CDH11: variants seen among roughly 807,000 people sequenced by gnomAD.
CDH11 encodes the protein cadherin 11.
A neutral mutation model predicts 67.8 loss-of-function variants in CDH11; 11 were observed. The ratio of observed to expected loss-of-function variants is 0.16; its 90% CI spans 0.10 to 0.27. The LOEUF (loss-of-function observed/expected upper bound fraction) is 0.27, where lower values mean the gene tolerates loss of function less well. Ranked by LOEUF, CDH11 falls within the 10% of genes least tolerant of loss-of-function variation. The probability of loss-of-function intolerance (pLI) is 1.00; values close to 1 mark genes in which losing one functional copy is unlikely to be tolerated. For missense variants in CDH11, 847 were observed against 1,031.2 expected (o/e 0.82, Z 2.45); for synonymous variants, 419 against 400.0 (o/e 1.05, Z -0.57).
chr16:65,122,001 G>C lies in CDH11; in HGVS notation c.-419C>G. On this transcript the variant is annotated 5_prime_UTR_variant, in exon 1 of 13. Transcript: ENST00000268603. ...TCACAAGTCAGCGGCGGCTGCGAGC[G>C]GCCCCCGCGGCATCTGCTCCTCGGC... 1.4e-6 allele frequency: 1 copy of C among 699,996 alleles called. No homozygotes were observed. The highest frequency in any genetic ancestry group is 2.6e-6 in the Non-Finnish European group (1 of 383,780). The allele number at this position is 699,996 out of a possible 1,614,324, so 43.4% of individuals were successfully genotyped here.
At chr16:64,970,882 G>C (rs910106216) in intron 11 of CDH11, among the ~76,000 whole-genome samples, 9 of 152,176 alleles carry the variant, frequency 5.9e-5, no homozygotes, top group East Asian at 1.9e-4. Flanking sequence ...GTGTGGATGA[G>C]AGTAAAAAAT....
Position 65,036,862 on chromosome 16 carries a change from ACT to A in CDH11, c.-173+16940_-173+16941del, listed in dbSNP as rs1400427444. On this transcript the variant is annotated intron_variant, in intron 2 of 12. Coordinates refer to ENST00000268603, the MANE Select transcript of CDH11 (RefSeq NM_001797.4). ...ACTGTTTGCAAACATCTGCCACTTGACTCTCTGCCTGAAATAACTCAGAAAAT... is the reference window on the plus strand; with the variant it reads ...ACTGTTTGCAAACATCTGCCACTTGACTCTGCCTGAAATAACTCAGAAAAT... 8.5e-5 allele frequency among the ~76,000 whole-genome samples: 13 copies of A among 152,196 alleles called. 1 individual carries two copies. The highest frequency in any genetic ancestry group is 6.8e-3 in the Middle Eastern group (2 of 294).
In CDH11 at chr16:65,020,006, T is replaced by C. The variant is rs934833667; in HGVS notation, c.-172-14965A>G. On this transcript the variant is annotated intron_variant, in intron 2 of 12. Coordinates refer to ENST00000268603, the MANE Select transcript of CDH11 (RefSeq NM_001797.4). The stretch of plus-strand genomic sequence containing the variant: ...TCTTCCTTCAGTAGTTTCAATTATA[T>C]ATGTTACAATGTTAACTATTAGCAA... Among the ~76,000 whole-genome samples, 3 of 152,204 alleles carry C rather than the reference T, an allele frequency of 2.0e-5. No homozygotes were observed. The South Asian group carries it at 6.2e-4, about 31-fold the overall frequency.
Position 64,947,453 on chromosome 16 carries a change from C to T in CDH11, c.*150G>A. The T allele has an allele frequency of 1.4e-6, 2 of 1,453,086 alleles. No individual in the cohort carries two copies. Among genetic ancestry groups the T allele is most frequent in the Non-Finnish European group, 1.8e-6 (2 of 1,103,142 alleles). The allele number at this position is 1,453,086 out of a possible 1,614,324, so 90.0% of individuals were successfully genotyped here. A position where few individuals can be genotyped will look rare whatever the true frequency, so the allele number is the denominator to read the frequency against. Reference sequence around the variant, plus strand: ...TCACAGTATTTACCACTTTGATGTCCTCGCAGTTTTATTAAATGTATCCTC... The same window carrying T: ...TCACAGTATTTACCACTTTGATGTCTTCGCAGTTTTATTAAATGTATCCTC... On this transcript the variant is annotated 3_prime_UTR_variant, in exon 13 of 13. Coordinates refer to ENST00000268603, the MANE Select transcript of CDH11 (RefSeq NM_001797.4).
intron 1 of CDH11, among the ~76,000 whole-genome samples, chr16:65,115,741 T>C (rs969029390): frequency 4.3e-5 from 6 of 138,214 alleles, no homozygotes; most frequent in African/African-American, 1.1e-4. Context: ...AAAACCTCAG[T>C]AATCAAAATA....
intron 4 of CDH11, among the ~76,000 whole-genome samples, chr16:64,995,690 G>T (rs2072746182): frequency 6.6e-6 from 1 of 152,112 alleles, no homozygotes; most frequent in South Asian, 2.1e-4. Context: ...CCTTGGGAGA[G>T]AATTTATGAC....
intron 2 of CDH11, among the ~76,000 whole-genome samples, chr16:65,036,380 G>A (rs974867854): frequency 6.6e-6 from 1 of 152,052 alleles, no homozygotes; most frequent in Non-Finnish European, 1.5e-5. Context: ...AGAGGCAATG[G>A]ATCTGGTACT....
At chr16:65,041,672 C>A (rs1176554875) in intron 2 of CDH11, among the ~76,000 whole-genome samples, 1 of 152,182 alleles carries the variant, frequency 6.6e-6, no homozygotes, top group African/African-American at 2.4e-5. Flanking sequence ...CTGATTGATA[C>A]CTACTCAAGC....
At chr16:65,021,569 C>CACATATATATAT (rs4048808) in intron 2 of CDH11, among the ~76,000 whole-genome samples, 135 of 139,024 alleles carry the variant, frequency 9.7e-4, no homozygotes, top group South Asian at 1.8e-3. Context: ...CACACACACA[C>CACATATATATAT]ATATATATAT....
intron 1 of CDH11, among the ~76,000 whole-genome samples, chr16:65,071,143 G>T (rs1184799566): frequency 1.3e-5 from 2 of 152,182 alleles, no homozygotes; most frequent in African/African-American, 4.8e-5. Flanking sequence ...ACCTCGAGCA[G>T]AAAATGTGAG....
intron 11 of CDH11, among the ~76,000 whole-genome samples, chr16:64,957,636 A>T (rs1229104238): frequency 7.5e-6 from 1 of 134,080 alleles, no homozygotes; most frequent in Non-Finnish European, 1.6e-5. Flanking sequence ...ACACACACCC[A>T]TCCATATATA....
chr16:65,052,993 G>T (rs894940921), intron 2 of CDH11, among the ~76,000 whole-genome samples: 2 of 152,034 alleles, frequency 1.3e-5, no homozygotes, highest in African/African-American at 4.8e-5. Context: ...CAGGAATGTG[G>T]GACCCAGGAA....
chr16:65,092,777 C>T (rs1374847102), intron 1 of CDH11, among the ~76,000 whole-genome samples: 1 of 130,828 alleles, frequency 7.6e-6, no homozygotes, highest in Non-Finnish European at 1.6e-5. Flanking sequence ...TCTTGAGGGA[C>T]ATTTTCCAAA....
intron 8 of CDH11, among the ~76,000 whole-genome samples, chr16:64,977,452 C>T (rs1231122257): frequency 1.3e-5 from 2 of 152,174 alleles, no homozygotes; most frequent in African/African-American, 2.4e-5. Flanking sequence ...GTTTTTACGT[C>T]ACAGTCACTG....
intron 2 of CDH11, 21 bp downstream of exon 2, chr16:65,053,783 A>G: frequency 2.2e-6 from 1 of 455,992 alleles, no homozygotes; most frequent in Non-Finnish European, 4.4e-6. Context: ...TGAATTGTTC[A>G]GTAATATTAG....
intron 2 of CDH11, among the ~76,000 whole-genome samples, chr16:65,012,617 T>A (rs1176418583): frequency 6.6e-6 from 1 of 152,188 alleles, no homozygotes; most frequent in South Asian, 2.1e-4. Context: ...CATCTGAAGA[T>A]CTTGGCAATT....
intron 11 of CDH11, among the ~76,000 whole-genome samples, chr16:64,959,688 C>T (rs1597017001): frequency 6.6e-6 from 1 of 152,110 alleles, no homozygotes; most frequent in South Asian, 2.1e-4. Flanking sequence ...AGACATCTGC[C>T]ATTTTGATCT....
rs1407899076 is a variant in CDH11, at chr16:65,049,825, C to G, written c.-173+3979G>C. Among the ~76,000 whole-genome samples the G allele has an allele frequency of 2.0e-5, 3 of 152,252 alleles. No individual in the cohort carries two copies. The East Asian group carries it at 5.8e-4, about 29-fold the overall frequency. ...TCTGATGACACCAGATACAGACAGA[C>G]ACTTGGCCTCCTTCTCCACAGTGGC... On this transcript the variant is annotated intron_variant, in intron 2 of 12. Coordinates refer to ENST00000268603, the MANE Select transcript of CDH11 (RefSeq NM_001797.4).
intron 2 of CDH11, among the ~76,000 whole-genome samples, chr16:65,016,199 T>A (rs2073304119): frequency 6.6e-6 from 1 of 152,208 alleles, no homozygotes; most frequent in Non-Finnish European, 1.5e-5. Context: ...CCCCTCTTCA[T>A]TTTAAGAAAG....
Sources: gnomAD v4.1 joint callset for allele counts (sites outside exome capture counted in the v4.1 genomes callset) on GRCh38, gnomAD v4.1.1 for gene constraint, MANE v1.5 for transcripts, NCBI Gene and HGNC (gene_info 2026-07-23, HGNC 2026-07-21) for gene names.